POGZ: variants seen among roughly 807,000 people sequenced by gnomAD.
POGZ encodes pogo transposable element with ZNF domain.
A neutral mutation model predicts 134.6 loss-of-function variants in POGZ; 17 were observed. The observed-to-expected ratio is 0.13, with a 90% confidence interval of 0.09 to 0.19. The LOEUF (loss-of-function observed/expected upper bound fraction) is 0.19, where lower values mean the gene tolerates loss of function less well. POGZ is among the 10% of genes least tolerant of loss of function. The pLI, the probability that POGZ is intolerant of heterozygous loss-of-function variation, is 1.00. For synonymous variants in POGZ, 693 were observed against 657.1 expected, an observed-to-expected ratio of 1.05 and a Z score of -0.84; for missense variants, 1,306 against 1,769.7, an observed-to-expected ratio of 0.74 and a Z score of 4.70.
intron 1 of POGZ, among the ~76,000 whole-genome samples, chr1:151,455,686 G>GT (rs749019527): frequency 5.9e-5 from 9 of 152,222 alleles, no homozygotes; most frequent in Admixed American, 5.9e-4. Context: ...AAGTAACGTT[G>GT]TTTTGCATTT....
At chr1:151,449,842 G>A (rs1442559207) in intron 1 of POGZ, among the ~76,000 whole-genome samples, 3 of 152,152 alleles carry the variant, frequency 2.0e-5, no homozygotes, top group African/African-American at 7.2e-5. Flanking sequence ...CTTGCAGACT[G>A]CACCACTGCA....
At chr1:151,444,757 T>C (rs904169574) in intron 1 of POGZ, among the ~76,000 whole-genome samples, 2 of 152,250 alleles carry the variant, frequency 1.3e-5, no homozygotes, top group Admixed American at 6.5e-5. Context: ...TATAAAGCAA[T>C]GAATTTTAAT....
Position 151,456,290 on chromosome 1 carries a change from A to G in POGZ, c.-2+2862T>C, listed in dbSNP as rs528402594. ...TGCAGTCCTTAACCACTGATATCAT[A>G]AGGAAAGTCTTTTAAGTACTAGGAA... is the stretch of plus-strand genomic sequence containing the variant. On this transcript the variant is annotated intron_variant, in intron 1 of 18. Transcript: ENST00000271715. Among the ~76,000 whole-genome samples, 4 of 152,308 alleles carry G rather than the reference A, an allele frequency of 2.6e-5. No homozygotes were observed. In the East Asian group the frequency reaches 7.7e-4, roughly 29 times the overall value.
In POGZ at chr1:151,405,735, A is replaced by C. The variant is rs140394565; in HGVS notation, c.3300T>G (p.Asn1100Lys). The C allele has an allele frequency of 6.2e-7, 1 of 1,614,122 alleles. No homozygotes were observed. Among genetic ancestry groups the C allele is most frequent in the African/African-American group, 1.3e-5 (1 of 74,950 alleles). ...AHTLPKDVAENAGLFIDFVQR... is the reference protein window; with the variant it reads ...AHTLPKDVAEKAGLFIDFVQR... ...GTACAAAATCAATGAAGAGTCCTGC[A>C]TTCTCTGCTACATCCTTAGGTAGGG... Residue 1100 changes from asparagine to lysine, a missense_variant, in exon 19 of 19, where the codon AAT becomes AAG. Asn to Lys is a moderately conservative substitution (Grantham distance 94). Around this residue, in one of 10 missense-constraint regions of POGZ, gnomAD observed 161 missense variants for 185.4 expected, o/e 0.87. Coordinates refer to ENST00000271715, the MANE Select transcript of POGZ (RefSeq NM_015100.4). The surrounding 1 kb of genome is among the most constrained non-coding windows in gnomAD (Gnocchi z 4.9).
rs1490489565 is a variant in POGZ at position 151,440,929 on chromosome 1, A to G, written c.282T>C (p.Asn94=). 6.2e-7 allele frequency: 1 copy of G among 1,612,424 alleles called. No individual in the cohort carries two copies. The highest frequency in any genetic ancestry group is 8.5e-7 in the Non-Finnish European group (1 of 1,178,812). The change falls in exon 3 of 19, where the codon AAT becomes AAC. Residue 94 remains asparagine (N), a splice_region_variant and synonymous_variant. Transcript: ENST00000271715. ...TTATTTCCCAATAATCCCACTTACC[A>G]TTGTTGTTGGCAATTAGTGTGACAA... is the stretch of plus-strand genomic sequence containing the variant. The part of the protein sequence containing the change: ...KTLVTLIANN[N]AGNPLVQQGG...
At chr1:151,457,853 G>A (rs1381486879) in intron 1 of POGZ, among the ~76,000 whole-genome samples, 1 of 151,852 alleles carries the variant, frequency 6.6e-6, no homozygotes, top group Non-Finnish European at 1.5e-5. Context: ...CTGGAACCCG[G>A]CAGGCGGAGG....
Position 151,429,687 on chromosome 1 carries a change from G to A in POGZ, c.484C>T (p.Pro162Ser). The change falls in exon 5 of 19, where the codon CCT becomes TCT. Residue 162 changes from proline (P) to serine (S), a missense_variant. Transcript: ENST00000271715. ...TQGFPVRNVR[P>S]VQNAMNQVGI... ...ACCTGATTCATTGCATTTTGTACAG[G>A]CCGGACATTCCTTACAGGAAATCCC... The A allele has an allele frequency of 1.9e-6, 3 of 1,611,908 alleles. No individual in the cohort carries two copies. The highest frequency in any genetic ancestry group is 2.5e-6 in the Non-Finnish European group (3 of 1,178,246).
chr1:151,432,756 C>A (rs1393394772), intron 3 of POGZ, among the ~76,000 whole-genome samples: 1 of 152,072 alleles, frequency 6.6e-6, no homozygotes, highest in Admixed American at 6.6e-5. Flanking sequence ...TCAAAATATA[C>A]CTTCTACATA....
intron 9 of POGZ, 126 bp from the exon 10 acceptor site, chr1:151,423,677 G>T: frequency 1.3e-6 from 1 of 779,062 alleles, no homozygotes; most frequent in Non-Finnish European, 2.0e-6. Context: ...TCCTGTTTGG[G>T]ATATCCTTTT....
At chr1:151,438,821 G>A (rs1453218126) in intron 3 of POGZ, among the ~76,000 whole-genome samples, 2 of 151,936 alleles carry the variant, frequency 1.3e-5, no homozygotes, top group African/African-American at 2.4e-5. Flanking sequence ...AGGCTGCAGT[G>A]AGCTGTGTTC....
At chr1:151,412,244 T>C in intron 11 of POGZ, 52 bp downstream of exon 11, 1 of 938,466 alleles carries the variant, frequency 1.1e-6, no homozygotes. Flanking sequence ...AAATTCTTTG[T>C]ATTCTTCCTG....
chr1:151,416,699 CTGCTGGCTCGACT>C (rs760268227), intron 10 of POGZ, among the ~76,000 whole-genome samples: 166 of 150,202 alleles, frequency 1.1e-3, no homozygotes, highest in Non-Finnish European at 1.5e-3. Flanking sequence ...TCATATCTCA[CTGCTGGCTCGACT>C]TGCTGGGCTC....
intron 7 of POGZ, chr1:151,426,061 C>T (rs778322738): frequency 1.2e-4 from 19 of 152,098 alleles, no homozygotes; most frequent in Non-Finnish European, 2.2e-4. Context: ...GGGAGTGAGA[C>T]GGTACCTCAT....
intron 7 of POGZ, chr1:151,426,359 G>C (rs935440780): frequency 6.6e-6 from 1 of 151,564 alleles, no homozygotes; most frequent in African/African-American, 2.4e-5. Context: ...GCTAATTTTT[G>C]TATTTTTAGT....
At chr1:151,419,717 C>T (rs1368588832) in intron 10 of POGZ, among the ~76,000 whole-genome samples, 1 of 133,020 alleles carries the variant, frequency 7.5e-6, no homozygotes, top group South Asian at 2.6e-4. Context: ...CCAGATCTGT[C>T]AAGGGTGCAA....
Position 151,442,220 on chromosome 1 carries a change from T to C in POGZ, c.-1-15A>G. 1.2e-6 allele frequency: 2 copies of C among 1,608,514 alleles called. No homozygotes were observed. Among genetic ancestry groups the C allele is most frequent in the Non-Finnish European group, 1.7e-6 (2 of 1,177,888 alleles). On this transcript the variant is annotated splice_polypyrimidine_tract_variant and intron_variant, in intron 1 of 18. Coordinates refer to ENST00000271715, the MANE Select transcript of POGZ (RefSeq NM_015100.4). ...TGTCCGCCATGCTATAAGAAAAACA[T>C]TCAAATAAGATATGGGCCTAAGAAT...
At position 151,428,767 on chromosome 1, in the gene POGZ, A is replaced by G. The variant is rs1240592534; in HGVS notation, c.569-354T>C. Among the ~76,000 whole-genome samples the G allele has an allele frequency of 2.0e-5, 3 of 152,228 alleles. No homozygotes were observed. The East Asian group carries it at 5.8e-4, about 29-fold the overall frequency. ...AGGCCAAATGGCAAACCTGGTCCTG[A>G]AAAAAGAAATCAGTCTTTCTCAGAG... is the stretch of plus-strand genomic sequence containing the variant. On this transcript the variant is annotated intron_variant, in intron 5 of 18. Transcript: ENST00000271715.
At chr1:151,458,868 G>A (rs977274894) in intron 1 of POGZ, among the ~76,000 whole-genome samples, 7 of 145,376 alleles carry the variant, frequency 4.8e-5, no homozygotes, top group Non-Finnish European at 9.2e-5. Flanking sequence ...CAGCCGGCAG[G>A]CAGGGACCTC....
At chr1:151,452,199 A>C (rs938385901) in intron 1 of POGZ, among the ~76,000 whole-genome samples, 1 of 151,690 alleles carries the variant, frequency 6.6e-6, no homozygotes, top group Non-Finnish European at 1.5e-5. Context: ...CCAATCTGGG[A>C]AACAGAACCG....
Sources: gnomAD v4.1 joint callset for allele counts (sites outside exome capture counted in the v4.1 genomes callset) on GRCh38, gnomAD v4.1.1 for gene constraint, gnomAD v4.1.1 regional missense constraint, Gnocchi (gnomAD v3.1) non-coding constraint, MANE v1.5 for transcripts, NCBI Gene and HGNC (gene_info 2026-07-23, HGNC 2026-07-21) for gene names.